Variants in NPAS3 observed in about 807,000 individuals in gnomAD.
NPAS3 encodes neuronal PAS domain-containing protein 3.
A neutral mutation model predicts 73.1 loss-of-function variants in NPAS3; 14 were observed. The ratio of observed to expected loss-of-function variants is 0.19; its 90% CI spans 0.13 to 0.30. The LOEUF (loss-of-function observed/expected upper bound fraction) is 0.30. Ranked by LOEUF, NPAS3 falls within the 10% of genes least tolerant of loss-of-function variation. The pLI is 1.00. For missense variants in NPAS3, 1,096 were observed against 1,250.0 expected, an observed-to-expected ratio of 0.88 and a Z score of 1.86; for synonymous variants, 620 against 541.5, an observed-to-expected ratio of 1.14 and a Z score of -2.01.
chr14:33,409,723 T>A (rs2097536495), intron 4 of NPAS3, among the ~76,000 whole-genome samples: 1 of 152,142 alleles, frequency 6.6e-6, no homozygotes, highest in Non-Finnish European at 1.5e-5. Flanking sequence ...TATGCTTTCT[T>A]CAATTGAATA....
At chr14:33,574,991 A>C (rs534948473) in intron 5 of NPAS3, among the ~76,000 whole-genome samples, 1 of 152,298 alleles carries the variant, frequency 6.6e-6, no homozygotes, top group Admixed American at 6.5e-5. Flanking sequence ...AAGGATGCTG[A>C]AGTATCAGTA....
chr14:33,774,081 G>GA (rs925011566), intron 7 of NPAS3, among the ~76,000 whole-genome samples: 37 of 151,844 alleles, frequency 2.4e-4, no homozygotes, highest in African/African-American at 8.0e-4. Context: ...CCCTTAATGT[G>GA]AAAAAAAAGT....
chr14:33,073,359 G>A (rs1029383816), intron 2 of NPAS3, among the ~76,000 whole-genome samples: 7 of 152,162 alleles, frequency 4.6e-5, no homozygotes, highest in Non-Finnish European at 1.0e-4. Flanking sequence ...TTAAATTGAG[G>A]GGAGCAGACA....
chr14:33,271,424 G>A (rs1026174239), intron 3 of NPAS3, among the ~76,000 whole-genome samples: 3 of 151,426 alleles, frequency 2.0e-5, no homozygotes, highest in Admixed American at 6.6e-5. Context: ...GGGGAAGAAG[G>A]ATTCTGATTC....
At chr14:32,973,853 A>G (rs1367701144) in intron 1 of NPAS3, among the ~76,000 whole-genome samples, 2 of 152,104 alleles carry the variant, frequency 1.3e-5, no homozygotes, top group African/African-American at 4.8e-5. Flanking sequence ...TGAATTTTGA[A>G]TGTCATTTCT....
chr14:33,687,766 CATTTA>C (rs778299826), intron 6 of NPAS3, among the ~76,000 whole-genome samples: 2 of 152,142 alleles, frequency 1.3e-5, no homozygotes, highest in Admixed American at 1.3e-4. Flanking sequence ...ATTCTTTACT[CATTTA>C]ATTTATTATG....
intron 6 of NPAS3, among the ~76,000 whole-genome samples, chr14:33,690,381 TA>T (rs2060203486): frequency 6.6e-6 from 1 of 151,890 alleles, no homozygotes; most frequent in Non-Finnish European, 1.5e-5. Context: ...CTTAAATAAA[TA>T]AATTAAGAAA....
intron 3 of NPAS3, among the ~76,000 whole-genome samples, chr14:33,229,074 A>C (rs1448142409): frequency 1.3e-5 from 2 of 152,144 alleles, no homozygotes; most frequent in African/African-American, 4.8e-5. Context: ...TCCAGATGTA[A>C]GGTAAACTCA....
At chr14:33,271,547 G>T (rs2041083882) in intron 3 of NPAS3, among the ~76,000 whole-genome samples, 1 of 152,076 alleles carries the variant, frequency 6.6e-6, no homozygotes, top group African/African-American at 2.4e-5. Context: ...AGCCCCAGGA[G>T]AAGCTTCCCA....
intron 2 of NPAS3, among the ~76,000 whole-genome samples, chr14:33,132,501 G>A (rs1566593834): frequency 6.6e-6 from 1 of 152,142 alleles, no homozygotes; most frequent in Admixed American, 6.6e-5. Context: ...GCTCAGAAGA[G>A]AGGTTAGAGA....
chr14:33,252,584 C>A (rs189299550), intron 3 of NPAS3, among the ~76,000 whole-genome samples: 1 of 151,940 alleles, frequency 6.6e-6, no homozygotes, highest in Admixed American at 6.6e-5. Context: ...GTGCAATCTT[C>A]ACCTTACTTT....
At chr14:32,939,245 G>A (rs868774789), upstream of NPAS3, 166 of 330,272 alleles carry the variant, frequency 5.0e-4, no homozygotes, top group Non-Finnish European at 4.5e-4. Context: ...GCACACCCCC[G>A]CCCGCCCACG....
At chr14:33,643,125 A>G (rs1298332612) in intron 5 of NPAS3, among the ~76,000 whole-genome samples, 2 of 151,830 alleles carry the variant, frequency 1.3e-5, no homozygotes, top group Admixed American at 6.6e-5. Context: ...ACTAGGAACT[A>G]TTTTCTTTGT....
intron 2 of NPAS3, among the ~76,000 whole-genome samples, chr14:33,143,439 C>T (rs910432552): frequency 7.3e-5 from 11 of 150,284 alleles, no homozygotes; most frequent in Admixed American, 2.6e-4. Context: ...TGAGGTGAGC[C>T]GAGATTGCGC....
At chr14:33,098,001 CT>C in intron 2 of NPAS3, among the ~76,000 whole-genome samples, 1 of 152,246 alleles carries the variant, frequency 6.6e-6, no homozygotes, top group Non-Finnish European at 1.5e-5. Flanking sequence ...AAACTCTTAA[CT>C]TTAATATAGT....
chr14:33,425,332 G>A (rs1278029203), intron 4 of NPAS3, among the ~76,000 whole-genome samples: 7 of 151,998 alleles, frequency 4.6e-5, no homozygotes, highest in Non-Finnish European at 7.4e-5. Context: ...AAGATATGGA[G>A]TTGAAAAGGG....
chr14:33,294,299 C>T lies in NPAS3; in HGVS notation c.386-72887C>T, dbSNP rs376798705. Reference sequence around the variant, plus strand: ...GTCTCCATGTTCTTTTTCTCCACTGCCTACAGACATATTTACCTTTTTCTG... The same window carrying T: ...GTCTCCATGTTCTTTTTCTCCACTGTCTACAGACATATTTACCTTTTTCTG... On this transcript the variant is annotated intron_variant, in intron 3 of 11. Transcript: ENST00000356141. 2.6e-5 allele frequency among the ~76,000 whole-genome samples: 4 copies of T among 152,184 alleles called. No homozygotes were observed. The East Asian group carries it at 7.7e-4, about 29-fold the overall frequency.
intron 2 of NPAS3, among the ~76,000 whole-genome samples, chr14:33,183,422 T>G (rs1343643080): frequency 3.9e-3 from 12 of 3,098 alleles, no homozygotes; most frequent in African/African-American, 0.012. Flanking sequence ...TGAGACTCTG[T>G]TTTTTTTTTT....
chr14:33,279,446 A>C (rs2140053470), intron 3 of NPAS3, among the ~76,000 whole-genome samples: 1 of 152,284 alleles, frequency 6.6e-6, no homozygotes. Flanking sequence ...TAGAGTCACC[A>C]GCTAATCGCT....
Sources: gnomAD v4.1 joint callset for allele counts (sites outside exome capture counted in the v4.1 genomes callset) on GRCh38, gnomAD v4.1.1 for gene constraint, MANE v1.5 for transcripts, NCBI Gene and HGNC (gene_info 2026-07-23, HGNC 2026-07-21) for gene names.